The following SLC4A2 variants were observed in gnomAD, a reference collection of about 807,000 sequenced individuals.
The protein encoded by SLC4A2 is solute carrier family 4 member 2.
A neutral mutation model predicts 115.0 loss-of-function variants in SLC4A2; 36 were observed. That is an observed-to-expected ratio of 0.31 (90% confidence interval 0.24 to 0.41). SLC4A2 has a LOEUF of 0.41. Ranked by LOEUF, SLC4A2 falls within the 10% of genes least tolerant of loss-of-function variation. The pLI, the probability that SLC4A2 is intolerant of heterozygous loss-of-function variation, is 1.00. For synonymous variants in SLC4A2, 708 were observed against 708.3 expected (o/e 1.00, Z 0.01); for missense variants, 1,252 against 1,705.6 (o/e 0.73, Z 4.68).
intron 10 of SLC4A2, 46 bp downstream of exon 10, chr7:151,070,392 AAG>A: frequency 6.2e-7 from 1 of 1,610,850 alleles, no homozygotes; most frequent in Non-Finnish European, 8.5e-7. Flanking sequence ...AGGGCTGAGG[AAG>A]CCTGGGTGTG....
At position 151,074,658 on chromosome 7, in the gene SLC4A2, C is replaced by T; in HGVS notation, c.2881-17C>T. ...ATTCACCTTAACCCTTGTCCCTACACTGTGTCTGCCCTGCAGAAGCTGAGC... is the reference window on the plus strand; with the variant it reads ...ATTCACCTTAACCCTTGTCCCTACATTGTGTCTGCCCTGCAGAAGCTGAGC... On this transcript the variant is annotated splice_polypyrimidine_tract_variant and intron_variant, in intron 18 of 22. Coordinates refer to ENST00000413384, the MANE Select transcript of SLC4A2 (RefSeq NM_003040.4). The T allele has an allele frequency of 6.3e-7, 1 of 1,589,814 alleles. No homozygotes were observed. The highest frequency in any genetic ancestry group is 2.2e-5 in the East Asian group (1 of 44,666).
chr7:151,066,699 G>A lies in SLC4A2; in HGVS notation c.761G>A (p.Arg254Gln), dbSNP rs1375769310. The change falls in exon 6 of 23, where the codon CGG (arginine) becomes CAG (glutamine). Residue 254 changes from arginine to glutamine, a missense_variant. Arg to Gln is a conservative substitution (Grantham distance 43, BLOSUM62 1). Transcript: ENST00000413384. ...MTGAEQALLP[R>Q]VPTDEIEAQT... is the part of the protein sequence containing the mutation. Reference sequence around the variant, plus strand: ...GGGGCTGAGCAGGCACTGCTGCCCCGGGTCCCCACGGATGAGATTGAGGCC... The same window carrying A: ...GGGGCTGAGCAGGCACTGCTGCCCCAGGTCCCCACGGATGAGATTGAGGCC... The A allele has an allele frequency of 7.1e-6, 11 of 1,552,044 alleles. No individual in the cohort carries two copies. In the East Asian group the frequency reaches 1.2e-4, roughly 17 times the overall value.
In SLC4A2 at chr7:151,064,624, C is replaced by G. The variant is rs766199915; in HGVS notation, c.316C>G (p.Pro106Ala). The change falls in exon 4 of 23, where the codon CCT (proline) becomes GCT (alanine). Residue 106 changes from proline to alanine, a missense_variant. Around this residue, in one of 14 missense-constraint regions of SLC4A2, gnomAD observed 215 missense variants for 205.2 expected, o/e 1.05. Coordinates refer to ENST00000413384, the MANE Select transcript of SLC4A2 (RefSeq NM_003040.4). ...RKTPQGPGRK[P>A]RRRPGASPTG... ...GACACCCCAGGGCCCAGGACGGAAG[C>G]CTCGAAGGCGCCCGGGAGCCTCCCC... 2 of 1,613,496 alleles carry G rather than the reference C, an allele frequency of 1.2e-6. No homozygotes were observed. The highest frequency in any genetic ancestry group is 1.7e-5 in the Admixed American group (1 of 59,998).
intron 2 of SLC4A2, among the ~76,000 whole-genome samples, chr7:151,063,885 C>T (rs992308904): frequency 2.0e-5 from 3 of 152,038 alleles, no homozygotes; most frequent in Admixed American, 6.6e-5. Flanking sequence ...TCCGCCACCA[C>T]GCCTGGCTAA....
chr7:151,066,947 G>T lies in SLC4A2; in HGVS notation c.920G>T (p.Gly307Val), dbSNP rs563321858. ...AGTGGCCGAGAAGGGCGGGAGCCTG[G>T]CCCCACACCTCGGGCCCGACCCCGG... ...TQSGREGREP[G>V]PTPRARPRAP... Residue 307 changes from glycine to valine, a missense_variant, in exon 7 of 23, where the codon GGC becomes GTC. Physicochemically the swap from Gly to Val is moderately radical, Grantham distance 109 (BLOSUM62 -3). Around this residue, in one of 14 missense-constraint regions of SLC4A2, gnomAD observed 48 missense variants for 44.4 expected, o/e 1.08. Transcript: ENST00000413384. 7 of 1,613,098 alleles carry T rather than the reference G, an allele frequency of 4.3e-6. No homozygotes were observed. The Admixed American group carries it at 8.3e-5, about 19-fold the overall frequency.
chr7:151,067,885 G>A lies in SLC4A2; in HGVS notation c.978G>A (p.Glu326=). 1 of 1,612,354 alleles carries A rather than the reference G, an allele frequency of 6.2e-7. No homozygotes were observed. The highest frequency in any genetic ancestry group is 2.2e-5 in the East Asian group (1 of 44,834). ...CTTCTCTCCCCAAGGTGTTTGTGGAGCTGAATGAGTTGCTCCTGGACAAAA... is the reference window on the plus strand; with the variant it reads ...CTTCTCTCCCCAAGGTGTTTGTGGAACTGAATGAGTTGCTCCTGGACAAAA... ...APHKPHEVFV[E]LNELLLDKNQ... Residue 326 remains glutamate (E), a synonymous_variant, in exon 8 of 23, where the codon GAG becomes GAA. Transcript: ENST00000413384.
upstream of SLC4A2, chr7:151,059,531 C>CCCGCCCCGGCCCCCGCTCCCGCCT (rs1796977184): frequency 6.0e-5 from 9 of 150,610 alleles, no homozygotes; most frequent in South Asian, 1.9e-3. The surrounding 1 kb of genome is among the most constrained non-coding windows in gnomAD (Gnocchi z 5.8). Context: ...CGCCCCGGCC[C>CCCGCCCCGGCCCCCGCTCCCGCCT]CCGCTCCCGC....
intron 6 of SLC4A2, 34 bp from the exon 7 acceptor site, chr7:151,066,817 G>C: frequency 6.3e-7 from 1 of 1,599,276 alleles, no homozygotes; most frequent in Non-Finnish European, 8.5e-7. Flanking sequence ...GTGAGAGAAA[G>C]GGGGAGCCCA....
chr7:151,072,924 A>G (rs541321312), intron 16 of SLC4A2, among the ~76,000 whole-genome samples: 1 of 152,154 alleles, frequency 6.6e-6, no homozygotes, highest in Admixed American at 6.5e-5. Context: ...TCGCCTCCCA[A>G]AGTGCTGGGA....
intron 5 of SLC4A2, among the ~76,000 whole-genome samples, chr7:151,065,700 C>T (rs1335308485): frequency 2.0e-5 from 3 of 152,168 alleles, no homozygotes; most frequent in South Asian, 2.1e-4. Flanking sequence ...ATGCGGGCGG[C>T]GGGTTACAGC....
chr7:151,073,294 A>G (rs1034746884), intron 16 of SLC4A2, among the ~76,000 whole-genome samples: 1 of 132,026 alleles, frequency 7.6e-6, no homozygotes, highest in Admixed American at 7.3e-5. Flanking sequence ...TTATTTGTTT[A>G]TTTGTTTTTT....
Position 151,061,946 on chromosome 7 carries a change from C to G in SLC4A2, c.-42C>G. On this transcript the variant is annotated 5_prime_UTR_variant, in exon 2 of 23. Transcript: ENST00000413384. ...CCAGGTTATGCCTCCGCCTCGTTGCCCTGAAAGCCGCAGCGACAGCGAAAA... is the reference window on the plus strand; with the variant it reads ...CCAGGTTATGCCTCCGCCTCGTTGCGCTGAAAGCCGCAGCGACAGCGAAAA... 1.3e-6 allele frequency: 2 copies of G among 1,597,688 alleles called. No individual in the cohort carries two copies. The highest frequency in any genetic ancestry group is 1.7e-6 in the Non-Finnish European group (2 of 1,171,536).
chr7:151,064,684 G>A lies in SLC4A2; in HGVS notation c.376G>A (p.Glu126Lys), dbSNP rs1468168424. Residue 126 changes from glutamate (E) to lysine (K), a missense_variant, in exon 4 of 23, where the codon GAA becomes AAA. Coordinates refer to ENST00000413384, the MANE Select transcript of SLC4A2 (RefSeq NM_003040.4). ...AACCCCGACCATTGAGGAGGGGGAG[G>A]AAGATGAGGATGAGGCCAGCGAGGC... is the stretch of plus-strand genomic sequence containing the variant. ...GETPTIEEGE[E>K]DEDEASEAEG... The A allele has an allele frequency of 5.0e-6, 8 of 1,613,710 alleles. No individual in the cohort carries two copies. Among genetic ancestry groups the A allele is most frequent in the Non-Finnish European group, 6.8e-6 (8 of 1,179,850 alleles).
intron 2 of SLC4A2, chr7:151,063,142 G>A (rs1236209891): frequency 1.3e-6 from 2 of 1,510,080 alleles, no homozygotes; most frequent in East Asian, 2.7e-5. Context: ...CGCATTCCCT[G>A]CCGGCTGTGC....
In SLC4A2 at chr7:151,074,022, T is replaced by C. The variant is rs1203233577; in HGVS notation, c.2536-17T>C. Reference sequence around the variant, plus strand: ...TGCAGTCCAGCTGATGGAGGCCGTGTGGCCTCCTCTCCCCAGATCTTCCAG... The same window carrying C: ...TGCAGTCCAGCTGATGGAGGCCGTGCGGCCTCCTCTCCCCAGATCTTCCAG... On this transcript the variant is annotated splice_polypyrimidine_tract_variant and intron_variant, in intron 16 of 22. Transcript: ENST00000413384. The C allele has an allele frequency of 1.3e-6, 2 of 1,546,308 alleles. No homozygotes were observed. The highest frequency in any genetic ancestry group is 1.4e-5 in the African/African-American group (1 of 72,876).
intron 2 of SLC4A2, 136 bp downstream of exon 2, chr7:151,062,174 C>G: frequency 1.4e-6 from 1 of 739,496 alleles, no homozygotes; most frequent in Non-Finnish European, 2.3e-6. Flanking sequence ...CCATCCCTAC[C>G]CTGACTTTGC....
chr7:151,072,808 G>A (rs947825682), intron 16 of SLC4A2, among the ~76,000 whole-genome samples: 1 of 151,812 alleles, frequency 6.6e-6, no homozygotes, highest in Admixed American at 6.6e-5. Flanking sequence ...ACAGGCACAC[G>A]CCACCATGCC....
chr7:151,062,485 A>C, intron 2 of SLC4A2: 3 of 1,289,866 alleles, frequency 2.3e-6, no homozygotes, highest in Non-Finnish European at 3.0e-6. Flanking sequence ...ACCGCTCCAC[A>C]TGGCCCCCTT....
In SLC4A2 at chr7:151,074,202, C is replaced by A; in HGVS notation, c.2699C>A (p.Thr900Lys). 1 of 1,613,086 alleles carries A rather than the reference C, an allele frequency of 6.2e-7. No individual in the cohort carries two copies. ...GGGAAGCCCCGGGGCCAGCCCAACACGGCCCTGCTGTCGCTGGTGCTCATG... is the reference window on the plus strand; with the variant it reads ...GGGAAGCCCCGGGGCCAGCCCAACAAGGCCCTGCTGTCGCTGGTGCTCATG... ...GQGKPRGQPN[T>K]ALLSLVLMAG... The change falls in exon 17 of 23, where the codon ACG becomes AAG. Residue 900 changes from threonine (T) to lysine (K), a missense_variant. Physicochemically the swap from Thr to Lys is moderately conservative, Grantham distance 78 (BLOSUM62 -1). Transcript: ENST00000413384.
Sources: gnomAD v4.1 joint callset for allele counts (sites outside exome capture counted in the v4.1 genomes callset) on GRCh38, gnomAD v4.1.1 for gene constraint, gnomAD v4.1.1 regional missense constraint, Gnocchi (gnomAD v3.1) non-coding constraint, MANE v1.5 for transcripts, NCBI Gene and HGNC (gene_info 2026-07-23, HGNC 2026-07-21) for gene names.